Variants in HPCAL1 observed in about 807,000 individuals in gnomAD.
HPCAL1 encodes the protein hippocalcin like 1.
Under a neutral mutation model 17.1 loss-of-function variants are expected in HPCAL1, and 8 were observed. The observed-to-expected ratio is 0.47, with a 90% CI of 0.27 to 0.84. HPCAL1 has a LOEUF of 0.84. Among genes scored for constraint, HPCAL1 ranks in the 40% least tolerant of loss-of-function variants. HPCAL1 has a pLI of 0.13. For synonymous variants in HPCAL1, 112 were observed against 111.4 expected (o/e 1.01, Z -0.03); for missense variants, 165 against 271.1 (o/e 0.61, Z 2.75).
At chr2:10,379,792 GTA>G (rs1667828956) in intron 1 of HPCAL1, among the ~76,000 whole-genome samples, 1 of 152,248 alleles carries the variant, frequency 6.6e-6, no homozygotes, top group Non-Finnish European at 1.5e-5. Context: ...TCTGGTTTAA[GTA>G]TAGAGTCGTC....
chr2:10,303,867 C>T (rs932409018), intron 1 of HPCAL1: 1 of 152,318 alleles, frequency 6.6e-6, no homozygotes, highest in Non-Finnish European at 1.5e-5. Flanking sequence ...GAGGACAGCT[C>T]CTCCCTTGGG....
intron 2 of HPCAL1, chr2:10,408,647 AG>A (rs1384850903): frequency 6.6e-6 from 1 of 152,258 alleles, no homozygotes; most frequent in Admixed American, 6.5e-5. Flanking sequence ...AGCTGGGGTC[AG>A]ACCTGGGGTC....
intron 1 of HPCAL1, among the ~76,000 whole-genome samples, chr2:10,308,718 T>TTG (rs1662775577): frequency 6.6e-6 from 1 of 152,144 alleles, no homozygotes; most frequent in Non-Finnish European, 1.5e-5. Context: ...CCAGCTGAAG[T>TTG]TGTGTTCCTC....
intron 1 of HPCAL1, among the ~76,000 whole-genome samples, chr2:10,352,006 G>C (rs1047670520): frequency 2.0e-5 from 3 of 151,030 alleles, no homozygotes; most frequent in African/African-American, 7.3e-5. Flanking sequence ...GGGTTCAAGA[G>C]ATTCTCATGC....
intron 1 of HPCAL1, among the ~76,000 whole-genome samples, chr2:10,351,788 C>G (rs1665855453): frequency 6.6e-6 from 1 of 151,842 alleles, no homozygotes; most frequent in South Asian, 2.1e-4. Flanking sequence ...AAATAAAGGG[C>G]AAAATTCTCC....
At chr2:10,309,777 CTT>C (rs1662839999) in intron 1 of HPCAL1, among the ~76,000 whole-genome samples, 1 of 152,154 alleles carries the variant, frequency 6.6e-6, no homozygotes, top group East Asian at 1.9e-4. Context: ...CATTTTCACT[CTT>C]TGAGGAAGAG....
chr2:10,359,496 G>T lies in HPCAL1; in HGVS notation c.-110-37339G>T, dbSNP rs1188777627. ...CTCTGTGACAGCAGCAGGATTAGAG[G>T]CAGAGTTGGCCCAGAGGGAACATTT... On this transcript the variant is annotated intron_variant, in intron 1 of 4. Transcript: ENST00000307845. The surrounding 1 kb of genome is among the most constrained non-coding windows in gnomAD (Gnocchi z 4.1). 2.0e-5 allele frequency among the ~76,000 whole-genome samples: 3 copies of T among 152,250 alleles called. No homozygotes were observed. The highest frequency in any genetic ancestry group is 7.2e-5 in the African/African-American group (3 of 41,470).
At chr2:10,401,510 G>A (rs993053223) in intron 2 of HPCAL1, among the ~76,000 whole-genome samples, 4 of 152,052 alleles carry the variant, frequency 2.6e-5, no homozygotes, top group Non-Finnish European at 5.9e-5. Flanking sequence ...CTCTCGGAGG[G>A]TGCACAGACA....
intron 1 of HPCAL1, among the ~76,000 whole-genome samples, chr2:10,369,914 A>G (rs6755271): frequency 0.49 from 74,629 of 152,076 alleles, 18,745 homozygotes; most frequent in Middle Eastern, 0.61. Flanking sequence ...TACTCCTTGA[A>G]ATGTGCTTCT....
chr2:10,393,376 C>G (rs368925587), intron 1 of HPCAL1, among the ~76,000 whole-genome samples: 6 of 152,356 alleles, frequency 3.9e-5, no homozygotes, highest in African/African-American at 1.4e-4. Flanking sequence ...CAGCAGACCC[C>G]CTTCCTGCTA....
In HPCAL1 at chr2:10,359,769, C is replaced by T. The variant is rs35235974; in HGVS notation, c.-110-37066C>T. Among the ~76,000 whole-genome samples, 51 of 152,340 alleles carry T rather than the reference C, an allele frequency of 3.3e-4. No individual in the cohort carries two copies. The South Asian group carries it at 8.9e-3, about 27-fold the overall frequency. On this transcript the variant is annotated intron_variant, in intron 1 of 4. Transcript: ENST00000307845. The surrounding 1 kb of genome is among the most constrained non-coding windows in gnomAD (Gnocchi z 4.1). ...GAGGAAGGGGCCTTACCCAGATCCCCGTGTCCCCCACAGCGGTGGCGGTTT... is the reference window on the plus strand; with the variant it reads ...GAGGAAGGGGCCTTACCCAGATCCCTGTGTCCCCCACAGCGGTGGCGGTTT...
intron 1 of HPCAL1, among the ~76,000 whole-genome samples, chr2:10,383,270 G>A (rs1668086841): frequency 6.6e-6 from 1 of 152,172 alleles, no homozygotes; most frequent in Admixed American, 6.5e-5. Context: ...TACTCAGGAG[G>A]CTGAGGTAGG....
chr2:10,312,523 C>CCAT (rs376030421), intron 1 of HPCAL1, among the ~76,000 whole-genome samples: 1 of 151,322 alleles, frequency 6.6e-6, no homozygotes, highest in African/African-American at 2.4e-5. Context: ...GTCATTATCA[C>CCAT]CATCATCATC....
chr2:10,390,824 C>A (rs1179778344), intron 1 of HPCAL1, among the ~76,000 whole-genome samples: 1 of 152,178 alleles, frequency 6.6e-6, no homozygotes, highest in East Asian at 1.9e-4. Flanking sequence ...GAAATGGCCC[C>A]GGAACCATAA....
At chr2:10,313,401 C>T (rs1436205354) in intron 1 of HPCAL1, among the ~76,000 whole-genome samples, 2 of 152,210 alleles carry the variant, frequency 1.3e-5, no homozygotes, top group Non-Finnish European at 2.9e-5. Context: ...CTGAACCACC[C>T]CCCAATTCCT....
chr2:10,385,169 G>A (rs187138560), intron 1 of HPCAL1, among the ~76,000 whole-genome samples: 104 of 152,054 alleles, frequency 6.8e-4, no homozygotes, highest in African/African-American at 2.4e-3. Context: ...GCGCATGTGA[G>A]TGAGCAGCTG....
At chr2:10,399,797 C>T (rs1669477476) in intron 2 of HPCAL1, among the ~76,000 whole-genome samples, 1 of 152,164 alleles carries the variant, frequency 6.6e-6, no homozygotes, top group African/African-American at 2.4e-5. Context: ...GCTCGAGTCC[C>T]AGCCTCCCCT....
intron 1 of HPCAL1, among the ~76,000 whole-genome samples, chr2:10,375,466 G>C (rs1667501700): frequency 6.6e-6 from 1 of 152,204 alleles, no homozygotes; most frequent in Admixed American, 6.5e-5. Context: ...GGGCCAGGGG[G>C]CATAGGTACG....
At position 10,362,006 on chromosome 2, in the gene HPCAL1, C is replaced by T. The variant is rs1666555248; in HGVS notation, c.-110-34829C>T. On this transcript the variant is annotated intron_variant, in intron 1 of 4. Transcript: ENST00000307845. This position sits in a 1 kb window ranked among gnomAD's most constrained non-coding sequence, Gnocchi z 5.0. ...TACAGGCATGAGCTGCCATGTGTGG[C>T]TGACATTAGCTAATTTAATTCTTAC... is the stretch of plus-strand genomic sequence containing the variant. 6.6e-6 allele frequency among the ~76,000 whole-genome samples: 1 copy of T among 152,224 alleles called. No homozygotes were observed. The highest frequency in any genetic ancestry group is 1.5e-5 in the Non-Finnish European group (1 of 68,048).
Sources: allele counts gnomAD v4.1 joint callset (sites outside exome capture counted in the v4.1 genomes callset), GRCh38; gene constraint gnomAD v4.1.1; non-coding constraint Gnocchi (gnomAD v3.1); transcripts MANE v1.5; gene names NCBI Gene and HGNC (gene_info 2026-07-23, HGNC 2026-07-21).